The following TSPAN9 variants were observed in gnomAD, a reference collection of about 807,000 sequenced individuals.
TSPAN9 encodes the protein tetraspanin 9, also known as tetraspanin-9.
TSPAN9 carries 16 observed loss-of-function variants against 31.0 expected under a neutral mutation model. The ratio of observed to expected loss-of-function variants is 0.52; its 90% CI spans 0.35 to 0.78. The LOEUF (loss-of-function observed/expected upper bound fraction) is 0.78, where lower values mean the gene tolerates loss of function less well. Ranked by LOEUF, TSPAN9 falls within the 30% of genes least tolerant of loss-of-function variation. TSPAN9 has a pLI of 0.01. For missense variants in TSPAN9, 272 were observed against 312.5 expected, an observed-to-expected ratio of 0.87 and a Z score of 0.98; for synonymous variants, 145 against 121.6, an observed-to-expected ratio of 1.19 and a Z score of -1.27.
chr12:3,122,552 C>G (rs759616724), intron 2 of TSPAN9, among the ~76,000 whole-genome samples: 2 of 151,944 alleles, frequency 1.3e-5, no homozygotes, highest in Admixed American at 1.3e-4. Flanking sequence ...AGATACCACA[C>G]CTGGCCCTGA....
intron 3 of TSPAN9, among the ~76,000 whole-genome samples, chr12:3,274,403 T>G (rs1304232961): frequency 8.7e-6 from 1 of 114,540 alleles, no homozygotes; most frequent in African/African-American, 3.5e-5. Flanking sequence ...GGGAGCAGCA[T>G]GATGAGAGGC....
intron 2 of TSPAN9, among the ~76,000 whole-genome samples, chr12:3,175,594 G>T (rs1285992269): frequency 7.0e-6 from 1 of 142,612 alleles, no homozygotes; most frequent in Non-Finnish European, 1.5e-5. Context: ...AGCAAGAGCT[G>T]CACTTCCCAG....
At chr12:3,217,863 G>A in intron 3 of TSPAN9, among the ~76,000 whole-genome samples, 2 of 152,134 alleles carry the variant, frequency 1.3e-5, no homozygotes, top group Middle Eastern at 3.4e-3. Context: ...CACTTCCTGT[G>A]TGTACAGTAC....
intron 3 of TSPAN9, among the ~76,000 whole-genome samples, chr12:3,261,776 G>A (rs1862454085): frequency 6.6e-6 from 1 of 152,200 alleles, no homozygotes; most frequent in Admixed American, 6.5e-5. Context: ...CCTGCACCTG[G>A]TGCAAGAGCA....
chr12:3,174,707 C>T lies in TSPAN9; in HGVS notation c.-17-26470C>T, dbSNP rs192106620. On this transcript the variant is annotated intron_variant, in intron 2 of 8. Coordinates refer to ENST00000011898, the MANE Select transcript of TSPAN9 (RefSeq NM_006675.5). ...GCGCCATTCTCCTGCCTCAGCCTCC[C>T]GAGTAGCTGGGACTACAGGCGCCCA... Among the ~76,000 whole-genome samples the T allele has an allele frequency of 2.3e-3, 341 of 151,462 alleles. 3 individuals carry two copies. The highest frequency in any genetic ancestry group is 0.021 in the Admixed American group (314 of 15,152).
chr12:3,185,071 G>C (rs963070747), intron 2 of TSPAN9, among the ~76,000 whole-genome samples: 11 of 152,176 alleles, frequency 7.2e-5, no homozygotes, highest in Non-Finnish European at 1.6e-4. Context: ...GATAAGAGTA[G>C]TGAAGACTGT....
intron 2 of TSPAN9, among the ~76,000 whole-genome samples, chr12:3,166,310 A>G (rs2098348389): frequency 1.3e-5 from 2 of 152,382 alleles, no homozygotes; most frequent in African/African-American, 4.8e-5. Flanking sequence ...TTCTTTAAAC[A>G]AACGTTCCAT....
intron 3 of TSPAN9, among the ~76,000 whole-genome samples, chr12:3,243,266 A>G (rs1591701136): frequency 6.6e-6 from 1 of 151,822 alleles, no homozygotes; most frequent in South Asian, 2.1e-4. Context: ...TTCCACCATC[A>G]CCATCGCAGC....
intron 2 of TSPAN9, among the ~76,000 whole-genome samples, chr12:3,098,953 A>G (rs1390373779): frequency 6.6e-6 from 1 of 152,050 alleles, no homozygotes; most frequent in Non-Finnish European, 1.5e-5. Context: ...GGGTTTCACC[A>G]TGTTGGCCAG....
intron 2 of TSPAN9, among the ~76,000 whole-genome samples, chr12:3,094,583 C>G (rs1438572924): frequency 6.7e-6 from 1 of 149,160 alleles, no homozygotes; most frequent in Admixed American, 6.7e-5. Context: ...GTTGTCCAGG[C>G]TGCAGTGCAG....
intron 2 of TSPAN9, among the ~76,000 whole-genome samples, chr12:3,165,423 A>G (rs781278860): frequency 2.6e-5 from 4 of 152,206 alleles, no homozygotes; most frequent in Non-Finnish European, 4.4e-5. Context: ...CTTGGGCAGA[A>G]TCTGCTCTTT....
chr12:3,247,685 G>A (rs1416338151), intron 3 of TSPAN9, among the ~76,000 whole-genome samples: 1 of 152,150 alleles, frequency 6.6e-6, no homozygotes, highest in East Asian at 1.9e-4. Flanking sequence ...GAATAGGCTG[G>A]GCGGTTCAAA....
chr12:3,257,807 C>T (rs1462476072), intron 3 of TSPAN9, among the ~76,000 whole-genome samples: 1 of 152,102 alleles, frequency 6.6e-6, no homozygotes, highest in Admixed American at 6.5e-5. Flanking sequence ...ACTTGTGCAG[C>T]AGGTGCCCAG....
intron 3 of TSPAN9, among the ~76,000 whole-genome samples, chr12:3,257,699 C>T (rs914904652): frequency 6.6e-6 from 1 of 150,924 alleles, no homozygotes. Flanking sequence ...GTCCTGTTCT[C>T]ACACCCTTTC....
intron 2 of TSPAN9, among the ~76,000 whole-genome samples, chr12:3,100,139 C>T (rs1226647410): frequency 1.1e-4 from 16 of 152,006 alleles, no homozygotes; most frequent in African/African-American, 3.1e-4. Context: ...CCACCGCGCC[C>T]GGCCAAGGTC....
chr12:3,199,098 C>G (rs1261056581), intron 2 of TSPAN9, among the ~76,000 whole-genome samples: 1 of 152,192 alleles, frequency 6.6e-6, no homozygotes, highest in Non-Finnish European at 1.5e-5. Flanking sequence ...TCTGTTTCTT[C>G]GAGGGCCTGG....
rs2098299057 is a variant in TSPAN9, at chr12:3,083,727, T to C, written c.-18+8T>C. ...GAAGTTCAGAGAGAACAGGTCAGTG[T>C]TGGTCCGGGTCCATTGTGGGGTAGG... is the stretch of plus-strand genomic sequence containing the variant. On this transcript the variant is annotated splice_region_variant and intron_variant, in intron 2 of 8. Transcript: ENST00000011898. The C allele has an allele frequency of 6.6e-6, 1 of 152,268 alleles. No individual in the cohort carries two copies. The allele number at this position is 152,268 out of a possible 1,614,324, so 9.4% of individuals were successfully genotyped here.
At chr12:3,281,700 C>A in intron 7 of TSPAN9, 34 bp from the exon 8 acceptor site, 1 of 1,601,642 alleles carries the variant, frequency 6.2e-7, no homozygotes, top group Non-Finnish European at 8.5e-7. Flanking sequence ...CATGCTTGGG[C>A]TGGGACCCTA....
intron 2 of TSPAN9, among the ~76,000 whole-genome samples, chr12:3,191,221 G>A (rs758617): frequency 0.99 from 150,610 of 152,208 alleles, 74,544 homozygotes; most frequent in Middle Eastern, 1. Flanking sequence ...GAGGAGTGGG[G>A]TGGGCAAGCA....
Sources: gnomAD v4.1 joint callset for allele counts (sites outside exome capture counted in the v4.1 genomes callset) on GRCh38, gnomAD v4.1.1 for gene constraint, MANE v1.5 for transcripts, NCBI Gene and HGNC (gene_info 2026-07-23, HGNC 2026-07-21) for gene names.